SDK1: variants seen among roughly 807,000 people sequenced by gnomAD.
SDK1 encodes protein sidekick-1.
Under a neutral mutation model 245.5 loss-of-function variants are expected in SDK1, and 157 were observed. The ratio of observed to expected loss-of-function variants is 0.64; its 90% confidence interval spans 0.56 to 0.73. The LOEUF (loss-of-function observed/expected upper bound fraction) is 0.73. Ranked by LOEUF, SDK1 falls within the 30% of genes least tolerant of loss-of-function variation. SDK1 has a pLI of 0.00. For synonymous variants in SDK1, 1,647 were observed against 1,278.5 expected (o/e 1.29, Z -6.15); for missense variants, 3,583 against 3,002.3 (o/e 1.19, Z -4.52).
At chr7:3,475,916 T>C (rs1477735975) in intron 1 of SDK1, 3 of 152,666 alleles carry the variant, frequency 2.0e-5, no homozygotes, top group African/African-American at 4.8e-5. Flanking sequence ...TTAAACATTT[T>C]GACTTTCCCT....
At chr7:4,103,067 C>T (rs1220381613) in intron 22 of SDK1, among the ~76,000 whole-genome samples, 1 of 145,694 alleles carries the variant, frequency 6.9e-6, no homozygotes, top group African/African-American at 2.6e-5. Context: ...GTGGTGCGAT[C>T]TCGGCTCACT....
chr7:3,358,846 A>C (rs896870294), intron 1 of SDK1, among the ~76,000 whole-genome samples: 1 of 152,220 alleles, frequency 6.6e-6, no homozygotes, highest in Admixed American at 6.5e-5. Context: ...CATTTTAACT[A>C]TTATTTCCTC....
intron 22 of SDK1, among the ~76,000 whole-genome samples, chr7:4,105,510 T>A (rs770656169): frequency 1.7e-4 from 25 of 151,336 alleles, no homozygotes; most frequent in Admixed American, 8.6e-4. Flanking sequence ...TTTCACCATG[T>A]TGGCCAGGCT....
At chr7:3,990,857 G>A (rs1334488966) in intron 14 of SDK1, among the ~76,000 whole-genome samples, 2 of 152,192 alleles carry the variant, frequency 1.3e-5, no homozygotes, top group South Asian at 2.1e-4. Flanking sequence ...CCTGGCCAGC[G>A]CTCTTCTCAG....
chr7:3,384,326 A>G (rs1342020605), intron 1 of SDK1, among the ~76,000 whole-genome samples: 6 of 152,138 alleles, frequency 3.9e-5, no homozygotes, highest in Admixed American at 6.5e-5. Flanking sequence ...TTTATTTTAT[A>G]AAACTTTGAT....
At chr7:3,684,879 A>C (rs188221318) in intron 4 of SDK1, among the ~76,000 whole-genome samples, 6 of 152,308 alleles carry the variant, frequency 3.9e-5, no homozygotes, top group Admixed American at 3.3e-4. Flanking sequence ...AGTAGAATAG[A>C]GATGACACAG....
chr7:3,741,116 A>G (rs28394711), intron 4 of SDK1, among the ~76,000 whole-genome samples: 10,221 of 152,210 alleles, frequency 0.067, 1,164 homozygotes, highest in African/African-American at 0.23. Context: ...TGAAAATTCC[A>G]TCCTGCCACC....
intron 1 of SDK1, among the ~76,000 whole-genome samples, chr7:3,435,653 C>G (rs542634433): frequency 5.7e-4 from 87 of 152,252 alleles, no homozygotes; most frequent in Middle Eastern, 3.4e-3. Context: ...GAGTGAGCCA[C>G]TGCACTCTGT....
intron 17 of SDK1, among the ~76,000 whole-genome samples, chr7:4,018,288 C>A (rs1786584075): frequency 6.6e-6 from 1 of 152,326 alleles, no homozygotes; most frequent in South Asian, 2.1e-4. Context: ...CTGCCCAATT[C>A]TCTCCCCAAA....
chr7:3,924,304 A>C (rs930613157), intron 5 of SDK1, among the ~76,000 whole-genome samples: 8 of 152,146 alleles, frequency 5.3e-5, no homozygotes, highest in Non-Finnish European at 7.3e-5. Context: ...GTTACAGTGA[A>C]CTGTAGGCTC....
chr7:3,637,564 A>G (rs913483028), intron 2 of SDK1, among the ~76,000 whole-genome samples: 1 of 152,336 alleles, frequency 6.6e-6, no homozygotes, highest in East Asian at 1.9e-4. Context: ...TTGGTTACCT[A>G]TCTTTACTTG....
chr7:3,620,155 A>G (rs1437333970), intron 2 of SDK1, among the ~76,000 whole-genome samples: 4 of 152,124 alleles, frequency 2.6e-5, no homozygotes, highest in Non-Finnish European at 4.4e-5. Context: ...GGAATAGCCC[A>G]CCCACTCACT....
chr7:3,662,480 C>G (rs1783396674), intron 4 of SDK1, among the ~76,000 whole-genome samples: 1 of 152,108 alleles, frequency 6.6e-6, no homozygotes, highest in African/African-American at 2.4e-5. Context: ...TCTGTTTGTC[C>G]TTTGAAAAGC....
At chr7:4,007,821 G>A (rs1785607560) in intron 14 of SDK1, among the ~76,000 whole-genome samples, 1 of 152,076 alleles carries the variant, frequency 6.6e-6, no homozygotes. Flanking sequence ...GGCCAGGCTG[G>A]TCTTGAACTC....
rs1780335993 is a variant in SDK1 at position 3,577,610 on chromosome 7, C to T, written c.299-41470C>T. ...ATCCTCATGGAACTCACTTTTGCTT[C>T]TGCTCTTTATTGAACCTGTTTTGTG... On this transcript the variant is annotated intron_variant, in intron 1 of 44. Coordinates refer to ENST00000404826, the MANE Select transcript of SDK1 (RefSeq NM_152744.4). Among the ~76,000 whole-genome samples the T allele has an allele frequency of 2.0e-5, 3 of 152,158 alleles. No individual in the cohort carries two copies. The South Asian group carries it at 6.2e-4, about 32-fold the overall frequency.
chr7:3,527,475 G>A (rs1370931218), intron 1 of SDK1, among the ~76,000 whole-genome samples: 3 of 152,228 alleles, frequency 2.0e-5, no homozygotes, highest in Admixed American at 2.0e-4. Flanking sequence ...GGAGCAGCAA[G>A]TCAAGAGGCC....
intron 5 of SDK1, among the ~76,000 whole-genome samples, chr7:3,872,814 C>A (rs1000185121): frequency 2.0e-4 from 31 of 152,078 alleles, no homozygotes; most frequent in African/African-American, 6.8e-4. Flanking sequence ...TCTACCTCCA[C>A]ATAATGCTAT....
At chr7:3,855,186 T>G (rs1010901317) in intron 5 of SDK1, among the ~76,000 whole-genome samples, 1 of 152,038 alleles carries the variant, frequency 6.6e-6, no homozygotes, top group African/African-American at 2.4e-5. Context: ...CAGGTCCTTC[T>G]CTCACTGCAG....
chr7:4,214,308 C>T (rs780820446), intron 38 of SDK1, among the ~76,000 whole-genome samples: 22 of 152,144 alleles, frequency 1.4e-4, no homozygotes, highest in Non-Finnish European at 2.8e-4. Flanking sequence ...CTAGACAAAC[C>T]GCTGGCTGCA....
Sources: allele counts gnomAD v4.1 joint callset (sites outside exome capture counted in the v4.1 genomes callset), GRCh38; gene constraint gnomAD v4.1.1; transcripts MANE v1.5; gene names NCBI Gene and HGNC (gene_info 2026-07-23, HGNC 2026-07-21).